Variants in ZNF704 observed in about 807,000 individuals in gnomAD.
The protein encoded by ZNF704 is glucocorticoid induced gene 1.
Under a neutral mutation model 44.7 loss-of-function variants are expected in ZNF704, and 10 were observed. That is an observed-to-expected ratio of 0.22 (90% CI 0.14 to 0.38). The LOEUF (loss-of-function observed/expected upper bound fraction) is 0.38, where lower values mean the gene tolerates loss of function less well. Among genes scored for constraint, ZNF704 ranks in the 10% least tolerant of loss-of-function variants. The pLI is 1.00. For missense variants in ZNF704, 390 were observed against 545.5 expected (o/e 0.71, Z 2.84); for synonymous variants, 211 against 207.6 (o/e 1.02, Z -0.14).
At chr8:80,800,338 T>C (rs999655825) in intron 2 of ZNF704, among the ~76,000 whole-genome samples, 29 of 152,018 alleles carry the variant, frequency 1.9e-4, no homozygotes, top group African/African-American at 6.3e-4. Context: ...AGATAATCCA[T>C]GAGAAGATTA....
rs1433161211 is a variant in ZNF704 at position 80,630,048 on chromosome 8, AT to A, written c.*11317del. 1.3e-5 allele frequency: 2 copies of A among 152,258 alleles called. No individual in the cohort carries two copies. The highest frequency in any genetic ancestry group is 1.3e-4 in the Admixed American group (2 of 15,290). The allele number at this position is 152,258 out of a possible 1,614,324, so 9.4% of individuals were successfully genotyped here. ...CTTTAAAAACATCAAGTAGGAGAAT[AT>A]AGATGGGCTTCCCATATCCCCATAA... On this transcript the variant is annotated 3_prime_UTR_variant, in exon 9 of 9. Transcript: ENST00000327835.
chr8:80,696,987 T>G (rs1284814673), intron 2 of ZNF704, among the ~76,000 whole-genome samples: 1 of 152,198 alleles, frequency 6.6e-6, no homozygotes, highest in Non-Finnish European at 1.5e-5. Context: ...ATTTCAGATT[T>G]TGGAATGAGA....
At chr8:80,760,761 A>G (rs1028440910) in intron 2 of ZNF704, among the ~76,000 whole-genome samples, 3 of 152,046 alleles carry the variant, frequency 2.0e-5, no homozygotes, top group African/African-American at 7.2e-5. Context: ...TAGGTCCTGC[A>G]GGCTGTACAG....
In ZNF704 at chr8:80,760,088, A is replaced by G. The variant is rs558185619; in HGVS notation, c.221+61286T>C. ...GACACTTTAACTTTAGGCCCATGAG[A>G]AAGACCCTGATGAGCAGTTGACCCA... On this transcript the variant is annotated intron_variant, in intron 2 of 8. Coordinates refer to ENST00000327835, the MANE Select transcript of ZNF704 (RefSeq NM_001033723.3). 2.6e-5 allele frequency among the ~76,000 whole-genome samples: 4 copies of G among 152,228 alleles called. No homozygotes were observed. The South Asian group carries it at 8.3e-4, about 32-fold the overall frequency.
chr8:80,854,563 A>G (rs967935938), intron 1 of ZNF704, among the ~76,000 whole-genome samples: 7 of 152,234 alleles, frequency 4.6e-5, no homozygotes, highest in African/African-American at 1.4e-4. Context: ...AAGTAGCTAC[A>G]AATCCATTTC....
At chr8:80,878,253 A>AAGGAAGGAAGG (rs1809384006), upstream of ZNF704, among the ~76,000 whole-genome samples, 4 of 140,050 alleles carry the variant, frequency 2.9e-5, no homozygotes, top group Non-Finnish European at 4.6e-5. Flanking sequence ...AAAGAGAAAG[A>AAGGAAGGAAGG]AAGGAAGGAA....
intron 2 of ZNF704, among the ~76,000 whole-genome samples, chr8:80,723,977 T>C (rs1806427319): frequency 6.6e-6 from 1 of 152,250 alleles, no homozygotes; most frequent in Non-Finnish European, 1.5e-5. Flanking sequence ...CTGATTCTCA[T>C]CAGCTTTTAC....
At chr8:80,729,051 T>C (rs182704998) in intron 2 of ZNF704, among the ~76,000 whole-genome samples, 1 of 152,192 alleles carries the variant, frequency 6.6e-6, no homozygotes, top group East Asian at 1.9e-4. Context: ...TTTTCATCAT[T>C]CCCTCCCCTC....
intron 2 of ZNF704, among the ~76,000 whole-genome samples, chr8:80,779,027 G>T (rs191515301): frequency 6.6e-6 from 1 of 151,660 alleles, no homozygotes; most frequent in Non-Finnish European, 1.5e-5. Context: ...AAAAAAAAGG[G>T]ATCACCCATT....
At chr8:80,682,629 G>T (rs1051666724) in intron 4 of ZNF704, among the ~76,000 whole-genome samples, 2 of 137,212 alleles carry the variant, frequency 1.5e-5, no homozygotes, top group Non-Finnish European at 3.4e-5. Flanking sequence ...GCATTGGCAC[G>T]GTCAGTGTGG....
chr8:80,713,632 A>C (rs570207029), intron 2 of ZNF704, among the ~76,000 whole-genome samples: 1 of 152,378 alleles, frequency 6.6e-6, no homozygotes, highest in South Asian at 2.1e-4. Flanking sequence ...GGGAGAAGAG[A>C]GATAATGCAG....
chr8:80,803,848 T>G (rs1807941993), intron 2 of ZNF704, among the ~76,000 whole-genome samples: 1 of 152,096 alleles, frequency 6.6e-6, no homozygotes, highest in Non-Finnish European at 1.5e-5. Flanking sequence ...CTAATTAAAC[T>G]AAAGAGCTTC....
At chr8:80,870,936 T>G (rs1463754926) in intron 1 of ZNF704, among the ~76,000 whole-genome samples, 2 of 152,194 alleles carry the variant, frequency 1.3e-5, no homozygotes, top group Non-Finnish European at 2.9e-5. Flanking sequence ...TTCTCTCGGT[T>G]TTCCTAATCT....
rs536483334 is a variant in ZNF704 at position 80,640,654 on chromosome 8, C to T, written c.*712G>A. The T allele has an allele frequency of 6.6e-6, 1 of 152,334 alleles. No homozygotes were observed. Among genetic ancestry groups the T allele is most frequent in the African/African-American group, 2.4e-5 (1 of 41,568 alleles). 9.4% of individuals were successfully genotyped at this position (152,334 alleles called of 1,614,324 possible). Reference sequence around the variant, plus strand: ...ACTCCTAGATGTTTCCCAACAGTGACAGCTGGACTTCCTGAACTCAGCTTC... The same window carrying T: ...ACTCCTAGATGTTTCCCAACAGTGATAGCTGGACTTCCTGAACTCAGCTTC... On this transcript the variant is annotated 3_prime_UTR_variant, in exon 9 of 9. Transcript: ENST00000327835.
intron 1 of ZNF704, among the ~76,000 whole-genome samples, chr8:80,837,861 C>T: frequency 6.6e-6 from 1 of 152,170 alleles, no homozygotes; most frequent in East Asian, 1.9e-4. Context: ...CTGACTGCCA[C>T]TGCCACAGCC....
chr8:80,863,174 T>C (rs972960148), intron 1 of ZNF704, among the ~76,000 whole-genome samples: 2 of 152,208 alleles, frequency 1.3e-5, no homozygotes, highest in African/African-American at 4.8e-5. Context: ...CTTTTTCTAA[T>C]ATTTTGTTAC....
intron 2 of ZNF704, among the ~76,000 whole-genome samples, chr8:80,718,594 C>T (rs774134277): frequency 1.7e-4 from 26 of 152,264 alleles, no homozygotes; most frequent in Admixed American, 5.2e-4. Context: ...GAGAAGAACA[C>T]GCCTGGGCTG....
chr8:80,664,982 C>T lies in ZNF704; in HGVS notation c.760G>A (p.Ala254Thr), dbSNP rs756132873. Residue 254 changes from alanine (A) to threonine (T), a missense_variant, in exon 6 of 9, where the codon GCC (alanine) becomes ACC (threonine). By Grantham distance (58) the Ala-to-Thr change is moderately conservative (BLOSUM62 0). This residue lies in a region of ZNF704 where 305 missense variants were observed against 435.7 expected (regional missense o/e 0.70). Coordinates refer to ENST00000327835, the MANE Select transcript of ZNF704 (RefSeq NM_001033723.3). ...DSVADGLSSL[A>T]PVSPSQSLAS... ...AGGGACTGGGAAGGTGAGACCGGGG[C>T]CAGGCTGCTCAGCCCGTCTGCCACT... The T allele has an allele frequency of 1.2e-6, 2 of 1,614,218 alleles. No homozygotes were observed. Among genetic ancestry groups the T allele is most frequent in the Non-Finnish European group, 1.7e-6 (2 of 1,180,048 alleles).
At chr8:80,817,626 A>T (rs919054732) in intron 2 of ZNF704, among the ~76,000 whole-genome samples, 1 of 152,186 alleles carries the variant, frequency 6.6e-6, no homozygotes, top group African/African-American at 2.4e-5. Context: ...CTGGATTAAT[A>T]ACTTACTTAA....
Sources: gnomAD v4.1 joint callset for allele counts (sites outside exome capture counted in the v4.1 genomes callset) on GRCh38, gnomAD v4.1.1 for gene constraint, gnomAD v4.1.1 regional missense constraint, MANE v1.5 for transcripts, NCBI Gene and HGNC (gene_info 2026-07-23, HGNC 2026-07-21) for gene names.